Variants in NOP58 observed in about 807,000 individuals in gnomAD.
The protein encoded by NOP58 is NOP58 ribonucleoprotein, also known as nucleolar protein 58.
NOP58 carries 44 observed loss-of-function variants against 71.2 expected under a neutral mutation model. That is an observed-to-expected ratio of 0.62 (90% CI 0.49 to 0.79). NOP58 has a LOEUF of 0.79. NOP58 is among the 30% of genes least tolerant of loss of function. The pLI is 0.00. For synonymous variants in NOP58, 228 were observed against 200.3 expected (o/e 1.14, Z -1.17); for missense variants, 538 against 620.2 (o/e 0.87, Z 1.41).
chr2:202,302,127 G>A lies in NOP58; in HGVS notation c.1403-794G>A, dbSNP rs1297294541. Among the ~76,000 whole-genome samples, 6 of 118,438 alleles carry A rather than the reference G, an allele frequency of 5.1e-5. No homozygotes were observed. The East Asian group carries it at 1.0e-3, about 20-fold the overall frequency. 77.7% of individuals were successfully genotyped at this position (118,438 alleles called of 152,430 possible). ...TTTTGAGACAGAGTCTCCCTCTGTC[G>A]CCCAGGCTGAAGTGCAGTGGCGTGA... On this transcript the variant is annotated intron_variant, in intron 13 of 14. Transcript: ENST00000264279.
intron 12 of NOP58, among the ~76,000 whole-genome samples, chr2:202,298,995 C>T (rs1689043236): frequency 9.6e-6 from 1 of 104,414 alleles, no homozygotes; most frequent in Non-Finnish European, 1.7e-5. Context: ...CAGTCTGTCT[C>T]TGTTGCCAGG....
In NOP58 at chr2:202,290,387, C is replaced by CT. The variant is rs1688866862; in HGVS notation, c.565dup (p.Trp189LeufsTer5). On this transcript the variant is annotated frameshift_variant, in exon 7 of 15. Coordinates refer to ENST00000264279, the MANE Select transcript of NOP58 (RefSeq NM_015934.5). LOFTEE classifies it high-confidence loss of function. ...TTATGCGATGTAGAGAATGGTATGGCTGGCATTTCCCTGAATTAGGAAAAA... is the reference window on the plus strand; with the variant it reads ...TTATGCGATGTAGAGAATGGTATGGCTTGGCATTTCCCTGAATTAGGAAAAA... 1 of 1,607,404 alleles carries CT rather than the reference C, an allele frequency of 6.2e-7. No homozygotes were observed. The highest frequency in any genetic ancestry group is 8.5e-7 in the Non-Finnish European group (1 of 1,174,444).
At chr2:202,281,997 T>C (rs57571703) in intron 3 of NOP58, among the ~76,000 whole-genome samples, 15,665 of 152,250 alleles carry the variant, frequency 0.1, 983 homozygotes, top group South Asian at 0.23. Flanking sequence ...TTTAGGATAT[T>C]TCAGGACAGT....
intron 1 of NOP58, among the ~76,000 whole-genome samples, chr2:202,270,604 C>A (rs1688498849): frequency 6.6e-6 from 1 of 151,272 alleles, no homozygotes; most frequent in Non-Finnish European, 1.5e-5. Flanking sequence ...GGCAACATGG[C>A]GGAAAAAAAA....
intron 1 of NOP58, among the ~76,000 whole-genome samples, chr2:202,267,807 G>T (rs1688442902): frequency 6.6e-6 from 1 of 152,174 alleles, no homozygotes; most frequent in South Asian, 2.1e-4. Flanking sequence ...GTGTCTCGAT[G>T]AATTACTGAT....
chr2:202,282,363 T>C lies in NOP58; in HGVS notation c.188T>C (p.Leu63Pro). 2 of 1,611,010 alleles carry C rather than the reference T, an allele frequency of 1.2e-6. No individual in the cohort carries two copies. The highest frequency in any genetic ancestry group is 1.7e-6 in the Non-Finnish European group (2 of 1,179,430). The change falls in exon 4 of 15, where the codon CTG becomes CCG. Residue 63 changes from leucine to proline, a missense_variant. Physicochemically the swap from Leu to Pro is moderately conservative, Grantham distance 98 (BLOSUM62 -3). Coordinates refer to ENST00000264279, the MANE Select transcript of NOP58 (RefSeq NM_015934.5). ...TAEALAAFTALMEGKINKQLK... is the reference protein window; with the variant it reads ...TAEALAAFTAPMEGKINKQLK... The stretch of plus-strand genomic sequence containing the variant: ...TTTTCTTGAAAAGCATTCACAGCTC[T>C]GATGGAGGGCAAAATCAATAAGCAG...
chr2:202,265,960 A>G lies in NOP58; in HGVS notation c.19A>G (p.Thr7Ala). The change falls in exon 1 of 15, where the codon ACG becomes GCG. Residue 7 changes from threonine (T) to alanine (A), a missense_variant. Physicochemically the swap from Thr to Ala is moderately conservative, Grantham distance 58. Transcript: ENST00000264279. MLVLFE[T>A]SVGYAIFKVL... is the part of the protein sequence containing the mutation. The stretch of plus-strand genomic sequence containing the variant: ...CCTCACCATGTTGGTGCTGTTTGAA[A>G]CGTCTGTGGGTTACGCCATCTTTAA... The G allele has an allele frequency of 6.2e-7, 1 of 1,614,086 alleles. No homozygotes were observed. Among genetic ancestry groups the G allele is most frequent in the Non-Finnish European group, 8.5e-7 (1 of 1,180,008 alleles).
In NOP58 at chr2:202,288,725, G is replaced by A. The variant is rs1688833890; in HGVS notation, c.499+1001G>A. Among the ~76,000 whole-genome samples the A allele has an allele frequency of 2.0e-5, 3 of 151,980 alleles. No individual in the cohort carries two copies. The South Asian group carries it at 6.2e-4, about 31-fold the overall frequency. On this transcript the variant is annotated intron_variant, in intron 6 of 14. Transcript: ENST00000264279. ...AGCTATTCAGGAGGCTGAGGCAGGA[G>A]AATCACTTGAACCTGAGAGGCGGAG...
chr2:202,275,172 A>G lies in NOP58; in HGVS notation c.105A>G (p.Pro35=). ...VDSLWKEFET[P]EKANKIVKLK... ...GTTTATGGAAAGAATTTGAAACTCC[A>G]GAGAAAGCAAACAAAATGTAAGTAC... The change falls in exon 2 of 15, where the codon CCA becomes CCG. Residue 35 remains proline (P), a synonymous_variant. Transcript: ENST00000264279. 1.3e-6 allele frequency: 2 copies of G among 1,564,132 alleles called. No homozygotes were observed. Among genetic ancestry groups the G allele is most frequent in the Non-Finnish European group, 1.7e-6 (2 of 1,144,034 alleles).
At chr2:202,282,830 C>G (rs1448128493) in intron 4 of NOP58, among the ~76,000 whole-genome samples, 1 of 151,840 alleles carries the variant, frequency 6.6e-6, no homozygotes, top group African/African-American at 2.4e-5. Context: ...TATTAGAAAA[C>G]TTTTAGTAGG....
chr2:202,293,104 G>T, intron 9 of NOP58: 1 of 745,854 alleles, frequency 1.3e-6, no homozygotes, highest in Non-Finnish European at 2.4e-6. Context: ...GATAATGAAG[G>T]CATCTTTAGT....
intron 12 of NOP58, among the ~76,000 whole-genome samples, chr2:202,298,786 GTTA>G (rs1199523617): frequency 1.3e-5 from 2 of 152,086 alleles, no homozygotes; most frequent in Non-Finnish European, 2.9e-5. Context: ...GGGTATTTGG[GTTA>G]TTATTTGAGG....
At chr2:202,302,038 G>A (rs1689100529) in intron 13 of NOP58, among the ~76,000 whole-genome samples, 1 of 147,006 alleles carries the variant, frequency 6.8e-6, no homozygotes, top group Non-Finnish European at 1.5e-5. Flanking sequence ...TTATTTGGTT[G>A]CTGAATTGCT....
chr2:202,276,371 G>A (rs936066921), intron 2 of NOP58: 3 of 355,778 alleles, frequency 8.4e-6, no homozygotes, highest in Non-Finnish European at 1.8e-5. Flanking sequence ...CACTGTTTTA[G>A]GCAACTAGAA....
intron 2 of NOP58, among the ~76,000 whole-genome samples, chr2:202,277,186 CTGAGGCAGGAGAATGGCA>C (rs1309929420): frequency 1.6e-4 from 24 of 152,118 alleles, no homozygotes; most frequent in South Asian, 4.1e-4. Context: ...ACTTGGGAGG[CTGAGGCAGGAGAATGGCA>C]TGAGGCAGGA....
chr2:202,283,480 C>T (rs1412781751), intron 4 of NOP58, among the ~76,000 whole-genome samples: 13 of 147,456 alleles, frequency 8.8e-5, no homozygotes, highest in East Asian at 6.0e-4. Flanking sequence ...CTCACTCTGT[C>T]GCTAGGCTGA....
At chr2:202,268,482 C>G (rs1044389238) in intron 1 of NOP58, among the ~76,000 whole-genome samples, 7 of 150,826 alleles carry the variant, frequency 4.6e-5, no homozygotes, top group Non-Finnish European at 8.9e-5. Context: ...TTGTGGTGAG[C>G]TGAGATCGTG....
chr2:202,290,286 C>T, intron 6 of NOP58, 37 bp from the exon 7 acceptor site: 1 of 1,523,170 alleles, frequency 6.6e-7, no homozygotes, highest in Non-Finnish European at 8.8e-7. Flanking sequence ...CAATAAATCC[C>T]TTTAAGTTTT....
At chr2:202,287,843 G>A in intron 6 of NOP58, 119 bp downstream of exon 6, 2 of 779,976 alleles carry the variant, frequency 2.6e-6, no homozygotes, top group Non-Finnish European at 4.2e-6. Context: ...CAGGTGTGGT[G>A]GCTCAAGCCT....
Sources: allele counts gnomAD v4.1 joint callset (sites outside exome capture counted in the v4.1 genomes callset), GRCh38; gene constraint gnomAD v4.1.1; transcripts MANE v1.5; gene names NCBI Gene and HGNC (gene_info 2026-07-23, HGNC 2026-07-21).